ADGRL2: variants seen among roughly 807,000 people sequenced by gnomAD.
ADGRL2 encodes calcium-independent alpha-latrotoxin receptor 2.
A neutral mutation model predicts 157.4 loss-of-function variants in ADGRL2; 44 were observed. That is an observed-to-expected ratio of 0.28 (90% CI 0.22 to 0.36). The LOEUF is 0.36. Ranked by LOEUF, ADGRL2 falls within the 10% of genes least tolerant of loss-of-function variation. The pLI, the probability that ADGRL2 is intolerant of heterozygous loss-of-function variation, is 1.00. For missense variants in ADGRL2, 1,510 were observed against 1,768.9 expected, an observed-to-expected ratio of 0.85 and a Z score of 2.63; for synonymous variants, 585 against 624.7, an observed-to-expected ratio of 0.94 and a Z score of 0.95.
At chr1:81,721,733 A>C in intron 1 of ADGRL2, 1 of 1,418,188 alleles carries the variant, frequency 7.1e-7, no homozygotes, top group Non-Finnish European at 9.8e-7. Flanking sequence ...CCTTGTGAAA[A>C]TGTGTAAGCA....
At chr1:81,384,539 A>T (rs2076401382) in intron 1 of ADGRL2, among the ~76,000 whole-genome samples, 2 of 152,148 alleles carry the variant, frequency 1.3e-5, no homozygotes, top group Admixed American at 1.3e-4. Flanking sequence ...ACCATTTTAA[A>T]TTTATCTTTA....
rs1360595913 is a variant in ADGRL2 at position 81,984,682 on chromosome 1, A to G, written c.3382A>G (p.Thr1128Ala). 6.2e-7 allele frequency: 1 copy of G among 1,612,834 alleles called. No homozygotes were observed. ...HSSVKASTTR[T>A]SARYSSGTQS... ...TTCAGTGAAGGCATCAACCACCAGA[A>G]CCAGTGCTCGCTATTCCTCTGGCAC... The change falls in exon 20 of 24, where the codon ACC (threonine) becomes GCC (alanine). Residue 1128 changes from threonine (T) to alanine (A), a missense_variant. Coordinates refer to ENST00000686636, the MANE Select transcript of ADGRL2 (RefSeq NM_001366006.2).
chr1:81,545,258 A>G (rs1187326751), intron 2 of ADGRL2, among the ~76,000 whole-genome samples: 1 of 151,880 alleles, frequency 6.6e-6, no homozygotes, highest in Non-Finnish European at 1.5e-5. Flanking sequence ...ATAGCTGCCC[A>G]GAAGAATAAA....
At chr1:81,814,181 C>T (rs2090156021) in intron 1 of ADGRL2, among the ~76,000 whole-genome samples, 1 of 151,508 alleles carries the variant, frequency 6.6e-6, no homozygotes, top group Non-Finnish European at 1.5e-5. Flanking sequence ...AAAATTTTAT[C>T]ACATATTCTT....
intron 2 of ADGRL2, among the ~76,000 whole-genome samples, chr1:81,849,685 T>C (rs1055584777): frequency 2.6e-5 from 4 of 152,042 alleles, no homozygotes; most frequent in Admixed American, 2.0e-4. Context: ...CGATTGACTT[T>C]CCTGTAATAC....
chr1:81,665,616 G>T (rs1057140200), intron 3 of ADGRL2, among the ~76,000 whole-genome samples: 12 of 152,034 alleles, frequency 7.9e-5, no homozygotes, highest in African/African-American at 2.7e-4. Context: ...AGCATGTTAG[G>T]TAAATGTTAT....
chr1:81,372,255 T>A (rs1050146133), intron 1 of ADGRL2, among the ~76,000 whole-genome samples: 1 of 152,218 alleles, frequency 6.6e-6, no homozygotes, highest in Non-Finnish European at 1.5e-5. Context: ...CAAACCTTGC[T>A]GAGAAAAAAG....
chr1:81,397,616 G>T (rs1035030280), intron 1 of ADGRL2, among the ~76,000 whole-genome samples: 2 of 151,898 alleles, frequency 1.3e-5, no homozygotes, highest in African/African-American at 4.8e-5. Context: ...ACTGCGCCCA[G>T]CCCTTATAAT....
At chr1:81,621,179 G>T (rs2081782195) in intron 3 of ADGRL2, among the ~76,000 whole-genome samples, 1 of 152,248 alleles carries the variant, frequency 6.6e-6, no homozygotes, top group Admixed American at 6.5e-5. Context: ...GGTCTGGGGA[G>T]GGAGTGGACT....
intron 2 of ADGRL2, among the ~76,000 whole-genome samples, chr1:81,876,137 T>C (rs148164854): frequency 5.4e-4 from 82 of 152,262 alleles, no homozygotes; most frequent in African/African-American, 1.9e-3. Flanking sequence ...AGTTAAGTTA[T>C]AGTGCTTTCC....
chr1:81,770,153 CTTTTTTTTTTTTTTTT>C (rs150798264), intron 2 of ADGRL2, among the ~76,000 whole-genome samples: 903 of 59,662 alleles, frequency 0.015, 21 homozygotes, highest in African/African-American at 0.066. Context: ...CTGCACCCAG[CTTTTTTTTTTTTTTTT>C]TTTTTTTTTT....
intron 2 of ADGRL2, among the ~76,000 whole-genome samples, chr1:81,526,681 A>G (rs567011265): frequency 6.6e-6 from 1 of 152,108 alleles, no homozygotes; most frequent in Admixed American, 6.5e-5. Context: ...GAATGTTTGT[A>G]TTTTTTCTGC....
Position 81,442,591 on chromosome 1 carries a change from TCC to T in ADGRL2, c.-301-2444_-301-2443del, listed in dbSNP as rs1281496262. On this transcript the variant is annotated intron_variant, in intron 1 of 24. Transcript: ENST00000370721. ...CTAAATAAGTCTATGTAGGAAATTT[TCC>T]TTTGTTACCTGTCATAGAACCTTTA... 1.3e-4 allele frequency among the ~76,000 whole-genome samples: 20 copies of T among 152,346 alleles called. No homozygotes were observed. The South Asian group carries it at 4.1e-3, about 32-fold the overall frequency.
chr1:81,866,622 CAA>C (rs1278694100), intron 2 of ADGRL2, among the ~76,000 whole-genome samples: 1 of 151,816 alleles, frequency 6.6e-6, no homozygotes, highest in Non-Finnish European at 1.5e-5. Context: ...CTGTGGCAGG[CAA>C]AAGTTATTTT....
At chr1:81,560,695 T>A (rs1557462497) in intron 2 of ADGRL2, among the ~76,000 whole-genome samples, 1 of 151,950 alleles carries the variant, frequency 6.6e-6, no homozygotes, top group Non-Finnish European at 1.5e-5. Flanking sequence ...ATGATCGTGG[T>A]GAAGAAGGAA....
intron 1 of ADGRL2, among the ~76,000 whole-genome samples, chr1:81,823,126 G>GT (rs546729662): frequency 0.022 from 3,246 of 144,580 alleles, 54 homozygotes; most frequent in South Asian, 0.048. Context: ...TTAGTTCCCA[G>GT]TTTTTTTTTT....
intron 1 of ADGRL2, chr1:81,427,228 T>C: frequency 1.3e-6 from 1 of 776,002 alleles, no homozygotes. Flanking sequence ...GAGGAGGCTA[T>C]GCTGGTGGAG....
At chr1:81,725,953 A>G (rs1283845162) in intron 1 of ADGRL2, among the ~76,000 whole-genome samples, 1 of 152,186 alleles carries the variant, frequency 6.6e-6, no homozygotes, top group Non-Finnish European at 1.5e-5. Flanking sequence ...ACTGCACTCC[A>G]GCCTGGGCGA....
intron 1 of ADGRL2, among the ~76,000 whole-genome samples, chr1:81,801,796 G>A (rs547947226): frequency 3.3e-5 from 5 of 152,296 alleles, no homozygotes; most frequent in Admixed American, 2.0e-4. Context: ...CCTCCCGCCC[G>A]TCGCTTCGAA....
Sources: gnomAD v4.1 joint callset for allele counts (sites outside exome capture counted in the v4.1 genomes callset) on GRCh38, gnomAD v4.1.1 for gene constraint, MANE v1.5 for transcripts, NCBI Gene and HGNC (gene_info 2026-07-23, HGNC 2026-07-21) for gene names.